The following PAG1 variants were observed in gnomAD, a reference collection of about 807,000 sequenced individuals.
The protein encoded by PAG1 is phosphoprotein associated with glycosphingolipid-enriched microdomains 1.
In PAG1, 23 loss-of-function variants were observed where a neutral mutation model predicts 31.7. The ratio of observed to expected loss-of-function variants is 0.73; its 90% CI spans 0.52 to 1.03. The LOEUF (loss-of-function observed/expected upper bound fraction) is 1.03. PAG1 is among the 50% of genes least tolerant of loss of function. The probability of loss-of-function intolerance (pLI) is 0.00; values close to 1 mark genes in which losing one functional copy is unlikely to be tolerated. For synonymous variants in PAG1, 214 were observed against 210.3 expected, an observed-to-expected ratio of 1.02 and a Z score of -0.15; for missense variants, 473 against 540.7, an observed-to-expected ratio of 0.87 and a Z score of 1.24.
rs1030644740 is a variant in PAG1, at chr8:80,971,801, G to A, written c.*4743C>T. The stretch of plus-strand genomic sequence containing the variant: ...AATGACATACTTCACAAATAGTAGA[G>A]ACTAGATGTAAACACAGACCTAAAA... On this transcript the variant is annotated 3_prime_UTR_variant, in exon 9 of 9. Coordinates refer to ENST00000220597, the MANE Select transcript of PAG1 (RefSeq NM_018440.4). The A allele has an allele frequency of 6.6e-6, 1 of 152,062 alleles. No homozygotes were observed. The highest frequency in any genetic ancestry group is 6.5e-5 in the Admixed American group (1 of 15,276). The allele number at this position is 152,062 out of a possible 1,614,324, so 9.4% of individuals were successfully genotyped here.
At chr8:81,022,778 T>C (rs1029616066) in intron 3 of PAG1, among the ~76,000 whole-genome samples, 1 of 152,190 alleles carries the variant, frequency 6.6e-6, no homozygotes, top group Non-Finnish European at 1.5e-5. Context: ...TGATTTTCAC[T>C]GAGAGCTGGG....
At chr8:81,079,012 C>T (rs1809221364) in intron 1 of PAG1, among the ~76,000 whole-genome samples, 1 of 152,140 alleles carries the variant, frequency 6.6e-6, no homozygotes, top group South Asian at 2.1e-4. Flanking sequence ...GAATTATAAG[C>T]TAAGAAGTCA....
rs139571319 is a variant in PAG1 at position 81,031,310 on chromosome 8, G to A, written c.-174-1221C>T. On this transcript the variant is annotated intron_variant, in intron 2 of 8. Transcript: ENST00000220597. ...ATCATGGGCTGTCTTCTTCTAAGCC[G>A]ACTCCAGGTCTTTCTGCTGTCAATC... Among the ~76,000 whole-genome samples the A allele has an allele frequency of 2.0e-3, 303 of 152,264 alleles. 3 individuals carry two copies. The highest frequency in any genetic ancestry group is 6.9e-3 in the African/African-American group (287 of 41,544).
At chr8:80,999,851 C>G (rs1300248454) in intron 3 of PAG1, among the ~76,000 whole-genome samples, 2 of 152,102 alleles carry the variant, frequency 1.3e-5, no homozygotes, top group African/African-American at 4.8e-5. Flanking sequence ...CAAATTCTGA[C>G]TTGGAAGCCA....
intron 1 of PAG1, among the ~76,000 whole-genome samples, chr8:81,083,996 C>T (rs1326007819): frequency 6.6e-6 from 1 of 151,502 alleles, no homozygotes; most frequent in Non-Finnish European, 1.5e-5. Context: ...GATGGCACCA[C>T]TGCACTCCAG....
intron 2 of PAG1, among the ~76,000 whole-genome samples, chr8:81,055,947 A>C (rs1484183514): frequency 6.6e-6 from 1 of 151,950 alleles, no homozygotes; most frequent in Non-Finnish European, 1.5e-5. Flanking sequence ...AATACCCTTT[A>C]TTTCTTTCTT....
intron 1 of PAG1, among the ~76,000 whole-genome samples, chr8:81,085,386 A>G (rs1809334156): frequency 6.6e-6 from 1 of 152,206 alleles, no homozygotes; most frequent in South Asian, 2.1e-4. Context: ...AAAGAAAACT[A>G]AACAGTGAAG....
chr8:81,089,365 G>A (rs994791283), intron 1 of PAG1, among the ~76,000 whole-genome samples: 2 of 152,094 alleles, frequency 1.3e-5, no homozygotes, highest in African/African-American at 4.8e-5. Flanking sequence ...TCAGGAGATC[G>A]AGGCCATCCT....
chr8:80,976,809 T>G lies in PAG1; in HGVS notation c.1034A>C (p.Gln345Pro). 1 of 1,614,070 alleles carries G rather than the reference T, an allele frequency of 6.2e-7. No homozygotes were observed. Residue 345 changes from glutamine to proline, a missense_variant, in exon 9 of 9, where the codon CAA (glutamine) becomes CCA (proline). By Grantham distance (76) the Gln-to-Pro change is moderately conservative. Transcript: ENST00000220597. ...GGAGGGTGACCTCTGTGGGTCCCCTTGAATGGAGGTGTAGGTGGACTCCGG... is the reference window on the plus strand; with the variant it reads ...GGAGGGTGACCTCTGTGGGTCCCCTGGAATGGAGGTGTAGGTGGACTCCGG... ...TVPESTYTSI[Q>P]GDPQRSPSSC... is the part of the protein sequence containing the mutation.
intron 2 of PAG1, among the ~76,000 whole-genome samples, chr8:81,046,933 G>C (rs1327693775): frequency 6.6e-6 from 1 of 152,116 alleles, no homozygotes; most frequent in Non-Finnish European, 1.5e-5. Context: ...TTATAAATGA[G>C]AACACTTGGT....
At chr8:81,102,073 T>C (rs1041223056) in intron 1 of PAG1, among the ~76,000 whole-genome samples, 15 of 152,136 alleles carry the variant, frequency 9.9e-5, no homozygotes, top group Non-Finnish European at 8.8e-5. Flanking sequence ...TTGGATGAAA[T>C]TGGGATACAT....
intron 3 of PAG1, among the ~76,000 whole-genome samples, chr8:81,012,870 C>G (rs1026593207): frequency 1.3e-5 from 2 of 152,138 alleles, no homozygotes; most frequent in African/African-American, 4.8e-5. Flanking sequence ...AATGCAAACT[C>G]GCATTGATCA....
intron 3 of PAG1, among the ~76,000 whole-genome samples, chr8:80,996,519 G>A (rs2130544372): frequency 6.6e-6 from 1 of 152,226 alleles, no homozygotes; most frequent in South Asian, 2.1e-4. Context: ...CTACAACTGA[G>A]CCAAGACTGC....
intron 5 of PAG1, among the ~76,000 whole-genome samples, chr8:80,988,894 A>G (rs1350342136): frequency 1.3e-5 from 2 of 152,258 alleles, no homozygotes; most frequent in Non-Finnish European, 2.9e-5. Flanking sequence ...AAGAGTAGTC[A>G]GAAAGCAAGT....
intron 1 of PAG1, among the ~76,000 whole-genome samples, chr8:81,082,252 CAA>C (rs748117144): frequency 6.4e-3 from 306 of 48,048 alleles, no homozygotes; most frequent in African/African-American, 0.019. Flanking sequence ...GACTCTGTCT[CAA>C]AAAAAAAAAA....
intron 3 of PAG1, among the ~76,000 whole-genome samples, chr8:81,004,654 A>C (rs1362573764): frequency 2.0e-5 from 3 of 152,238 alleles, no homozygotes; most frequent in Non-Finnish European, 4.4e-5. Flanking sequence ...AGAACAAAAA[A>C]GCCACAAGTT....
rs1809779537 is a variant in PAG1, at chr8:81,111,806, G to GC, written c.-450_-449insG. On this transcript the variant is annotated 5_prime_UTR_variant, in exon 1 of 9. Coordinates refer to ENST00000220597, the MANE Select transcript of PAG1 (RefSeq NM_018440.4). ...ACTCAGCGAGGCGGCGGCTGGGACT[G>GC]AGGCTACTGCACCCGGCCGCGCGGA... The GC allele has an allele frequency of 6.6e-6, 1 of 152,302 alleles. No homozygotes were observed. The highest frequency in any genetic ancestry group is 2.4e-5 in the African/African-American group (1 of 41,468). 9.4% of individuals were successfully genotyped at this position (152,302 alleles called of 1,614,324 possible).
At chr8:81,014,047 T>C (rs1487557484) in intron 3 of PAG1, among the ~76,000 whole-genome samples, 3 of 152,220 alleles carry the variant, frequency 2.0e-5, no homozygotes, top group Non-Finnish European at 4.4e-5. Flanking sequence ...ATTTAAAATA[T>C]TTGTAGGGTT....
intron 3 of PAG1, among the ~76,000 whole-genome samples, chr8:80,994,567 T>C (rs930526939): frequency 2.6e-5 from 4 of 152,144 alleles, no homozygotes; most frequent in African/African-American, 9.7e-5. Context: ...AGGAGCTAAG[T>C]GGCAGGGAGG....
Sources: allele counts gnomAD v4.1 joint callset (sites outside exome capture counted in the v4.1 genomes callset), GRCh38; gene constraint gnomAD v4.1.1; transcripts MANE v1.5; gene names NCBI Gene and HGNC (gene_info 2026-07-23, HGNC 2026-07-21).